The following DISC1 variants were observed in gnomAD, a reference collection of about 807,000 sequenced individuals.
The protein encoded by DISC1 is DISC1 scaffold protein.
In DISC1, 57 loss-of-function variants were observed where a neutral mutation model predicts 84.5. The observed-to-expected ratio is 0.67, with a 90% confidence interval of 0.55 to 0.84. The LOEUF is 0.84. Among genes scored for constraint, DISC1 ranks in the 40% least tolerant of loss-of-function variants. The probability of loss-of-function intolerance (pLI) is 0.00; values close to 1 mark genes in which losing one functional copy is unlikely to be tolerated. For synonymous variants in DISC1, 411 were observed against 415.2 expected, an observed-to-expected ratio of 0.99 and a Z score of 0.12; for missense variants, 1,000 against 1,057.8, an observed-to-expected ratio of 0.95 and a Z score of 0.76.
intron 9 of DISC1, among the ~76,000 whole-genome samples, chr1:231,918,249 T>C (rs2089771122): frequency 6.6e-6 from 1 of 152,256 alleles, no homozygotes; most frequent in African/African-American, 2.4e-5. Context: ...CTGTTTCAGC[T>C]TTTTCCTACT....
chr1:232,040,316 G>A lies in DISC1; in HGVS notation c.*3485G>A, dbSNP rs1410298630. 2.0e-5 allele frequency: 3 copies of A among 152,102 alleles called. No homozygotes were observed. Among genetic ancestry groups the A allele is most frequent in the African/African-American group, 7.2e-5 (3 of 41,414 alleles). 9.4% of individuals were successfully genotyped at this position (152,102 alleles called of 1,614,324 possible). A position where few individuals can be genotyped will look rare whatever the true frequency, so the allele number is the denominator to read the frequency against. On this transcript the variant is annotated 3_prime_UTR_variant, in exon 13 of 13. Transcript: ENST00000439617. ...GCCAACTTTCTGAAATTTCAAAACT[G>A]AATTGATCCTTCTCCAAATTAGTAT...
chr1:231,856,141 T>C (rs2084255018), intron 9 of DISC1, among the ~76,000 whole-genome samples: 1 of 152,212 alleles, frequency 6.6e-6, no homozygotes, highest in Non-Finnish European at 1.5e-5. Flanking sequence ...GGAGATGGGT[T>C]GCCCAATTTG....
intron 10 of DISC1, among the ~76,000 whole-genome samples, chr1:232,000,149 A>G (rs143192017): frequency 3.9e-5 from 6 of 152,208 alleles, no homozygotes; most frequent in Non-Finnish European, 8.8e-5. Context: ...GATGAATCAG[A>G]TGTTGGAATT....
chr1:231,916,558 G>A (rs1296059402), intron 9 of DISC1, among the ~76,000 whole-genome samples: 1 of 149,882 alleles, frequency 6.7e-6, no homozygotes, highest in Non-Finnish European at 1.5e-5. Context: ...GGGAGGCTGA[G>A]GCAGGAGAAT....
chr1:232,036,916 C>G lies in DISC1; in HGVS notation c.*85C>G, dbSNP rs867229727. 2.9e-6 allele frequency: 4 copies of G among 1,378,426 alleles called. No individual in the cohort carries two copies. The highest frequency in any genetic ancestry group is 2.6e-5 in the Admixed American group (1 of 38,270). The allele number at this position is 1,378,426 out of a possible 1,614,324, so 85.4% of individuals were successfully genotyped here. The stretch of plus-strand genomic sequence containing the variant: ...TCCCTCCCCCGCCATAGCTAAGATG[C>G]CTGAATCAATTACGGAGATACAGAG... On this transcript the variant is annotated 3_prime_UTR_variant, in exon 13 of 13. Transcript: ENST00000439617.
At chr1:231,683,730 T>C (rs2063934506) in intron 1 of DISC1, among the ~76,000 whole-genome samples, 1 of 151,888 alleles carries the variant, frequency 6.6e-6, no homozygotes, top group Non-Finnish European at 1.5e-5. Flanking sequence ...CTCCTGGCTT[T>C]CCCACTTGCA....
In DISC1 at chr1:232,009,274, C is replaced by T. The variant is rs1214218376; in HGVS notation, c.2307+225C>T. The stretch of plus-strand genomic sequence containing the variant: ...AACCCAACTTTTGGCATATTTAGTT[C>T]CATTTTCATTCTAATTTAGTGGCTA... On this transcript the variant is annotated intron_variant, in intron 11 of 12. Coordinates refer to ENST00000439617, the MANE Select transcript of DISC1 (RefSeq NM_018662.3). This position sits in a 1 kb window ranked among gnomAD's most constrained non-coding sequence, Gnocchi z 4.6. The T allele has an allele frequency of 2.4e-5, 32 of 1,338,364 alleles. 2 individuals are homozygous for T. The highest frequency in any genetic ancestry group is 2.9e-5 in the Non-Finnish European group (30 of 1,043,886). 82.9% of individuals were successfully genotyped at this position (1,338,364 alleles called of 1,614,324 possible). A position where few individuals can be genotyped will look rare whatever the true frequency, so the allele number is the denominator to read the frequency against.
chr1:231,749,881 T>C, intron 3 of DISC1, 45 bp from the exon 4 acceptor site: 1 of 1,613,916 alleles, frequency 6.2e-7, no homozygotes, highest in African/African-American at 1.3e-5. Context: ...CTATTTTGCA[T>C]TTCATGGTTC....
At chr1:231,782,489 T>C (rs953954532) in intron 6 of DISC1, among the ~76,000 whole-genome samples, 9 of 152,148 alleles carry the variant, frequency 5.9e-5, no homozygotes, top group African/African-American at 1.7e-4. Context: ...TGCTTATTCT[T>C]AGCCAGACGC....
chr1:232,008,690 C>G, intron 10 of DISC1, 95 bp from the exon 11 acceptor site: 1 of 1,401,450 alleles, frequency 7.1e-7, no homozygotes, highest in Non-Finnish European at 9.6e-7. Context: ...TATAAGATGA[C>G]CAGCTGACTT....
At chr1:231,681,401 GTGTT>G (rs922016063) in intron 1 of DISC1, among the ~76,000 whole-genome samples, 31 of 150,076 alleles carry the variant, frequency 2.1e-4, no homozygotes, top group Non-Finnish European at 3.4e-4. Context: ...TCACTCGTGT[GTGTT>G]TGTGTGTGTG....
chr1:232,035,959 G>T lies in DISC1; in HGVS notation c.2426-733G>T, dbSNP rs115142410. Among the ~76,000 whole-genome samples the T allele has an allele frequency of 4.5e-3, 692 of 152,222 alleles. 6 individuals are homozygous for T. The highest frequency in any genetic ancestry group is 0.016 in the African/African-American group (659 of 41,514). ...CTCCATGTGAGAAATAACTTTATAGGTTAGAAAACTAAGAGCCCAACAGCT... is the reference window on the plus strand; with the variant it reads ...CTCCATGTGAGAAATAACTTTATAGTTTAGAAAACTAAGAGCCCAACAGCT... On this transcript the variant is annotated intron_variant, in intron 12 of 12. Coordinates refer to ENST00000439617, the MANE Select transcript of DISC1 (RefSeq NM_018662.3).
At chr1:231,901,675 A>T (rs2088189644) in intron 9 of DISC1, among the ~76,000 whole-genome samples, 1 of 152,214 alleles carries the variant, frequency 6.6e-6, no homozygotes, top group Middle Eastern at 3.2e-3. Context: ...TGATGCCATC[A>T]TCTTCTGATC....
chr1:231,667,921 T>TG (rs552539913), intron 1 of DISC1, among the ~76,000 whole-genome samples: 74 of 152,098 alleles, frequency 4.9e-4, no homozygotes, highest in African/African-American at 8.7e-4. Flanking sequence ...CTGGGCGTGG[T>TG]GGGGGGTGCC....
intron 9 of DISC1, among the ~76,000 whole-genome samples, chr1:231,925,524 A>G (rs1457292755): frequency 6.6e-6 from 1 of 152,188 alleles, no homozygotes; most frequent in African/African-American, 2.4e-5. Flanking sequence ...ACTGGTGACA[A>G]CACATGTAAC....
chr1:231,755,821 C>A (rs935934782), intron 4 of DISC1, among the ~76,000 whole-genome samples: 1 of 152,200 alleles, frequency 6.6e-6, no homozygotes. Context: ...CTCATTTCCA[C>A]TCACTTGTCT....
At chr1:231,785,990 A>G (rs954063691) in intron 6 of DISC1, among the ~76,000 whole-genome samples, 2 of 152,122 alleles carry the variant, frequency 1.3e-5, no homozygotes, top group Admixed American at 6.5e-5. Flanking sequence ...TTATATTTCT[A>G]ATATCTAATA....
intron 11 of DISC1, among the ~76,000 whole-genome samples, chr1:232,013,747 A>G (rs1010255063): frequency 8.5e-5 from 13 of 152,170 alleles, no homozygotes; most frequent in African/African-American, 3.1e-4. Flanking sequence ...CGCTCTGCAT[A>G]GTATTTATTC....
intron 9 of DISC1, among the ~76,000 whole-genome samples, chr1:231,906,197 T>G (rs768683692): frequency 6.6e-6 from 1 of 152,030 alleles, no homozygotes; most frequent in African/African-American, 2.4e-5. Flanking sequence ...TAATTTTGTA[T>G]TTTTAGTAGA....
Sources: gnomAD v4.1 joint callset for allele counts (sites outside exome capture counted in the v4.1 genomes callset) on GRCh38, gnomAD v4.1.1 for gene constraint, Gnocchi (gnomAD v3.1) non-coding constraint, MANE v1.5 for transcripts, NCBI Gene and HGNC (gene_info 2026-07-23, HGNC 2026-07-21) for gene names.